The following FAM227B variants were observed in gnomAD, a reference collection of about 807,000 sequenced individuals.
FAM227B encodes family with sequence similarity 227 member B.
In FAM227B, 88 loss-of-function variants were observed where a neutral mutation model predicts 73.8. The ratio of observed to expected loss-of-function variants is 1.19; its 90% CI spans 1.00 to 1.42. FAM227B has a LOEUF of 1.42. FAM227B is among the 40% of genes most tolerant of loss of function. FAM227B has a pLI of 0.00. For synonymous variants in FAM227B, 210 were observed against 190.5 expected, an observed-to-expected ratio of 1.10 and a Z score of -0.84; for missense variants, 632 against 590.9, an observed-to-expected ratio of 1.07 and a Z score of -0.72.
At position 49,615,208 on chromosome 15, in the gene FAM227B, T is replaced by C. The variant is rs1190596186; in HGVS notation, c.-37A>G. 2.5e-6 allele frequency: 4 copies of C among 1,604,508 alleles called. No homozygotes were observed. The African/African-American group carries it at 4.0e-5, about 16-fold the overall frequency. On this transcript the variant is annotated 5_prime_UTR_variant, in exon 2 of 16. Coordinates refer to ENST00000299338, the MANE Select transcript of FAM227B (RefSeq NM_152647.3). ...TTTGCAGAAATGAAGAGAAATCAGC[T>C]GGGTCTTAGGCTTCAATGTGAGTTG... is the stretch of plus-strand genomic sequence containing the variant.
At chr15:49,591,264 CG>C (rs2076540742) in intron 3 of FAM227B, among the ~76,000 whole-genome samples, 1 of 150,102 alleles carries the variant, frequency 6.7e-6, no homozygotes, top group South Asian at 2.1e-4. Flanking sequence ...TTAGTAGAGA[CG>C]GGGTTTGTGT....
Position 49,598,099 on chromosome 15 carries a change from G to A in FAM227B, c.106-8092C>T, listed in dbSNP as rs553230792. Among the ~76,000 whole-genome samples the A allele has an allele frequency of 1.6e-3, 240 of 151,906 alleles. 2 individuals carry two copies. Among genetic ancestry groups the A allele is most frequent in the African/African-American group, 5.4e-3 (225 of 41,494 alleles). ...AACTATTCCAAAAGACAGAGAAGGA[G>A]GGAATCCTCCCTAAATCATTCTATG... On this transcript the variant is annotated intron_variant, in intron 3 of 15. Coordinates refer to ENST00000299338, the MANE Select transcript of FAM227B (RefSeq NM_152647.3).
intron 3 of FAM227B, among the ~76,000 whole-genome samples, chr15:49,600,833 G>T (rs1023408669): frequency 1.3e-5 from 2 of 151,490 alleles, no homozygotes; most frequent in African/African-American, 4.9e-5. Flanking sequence ...ACCAGGTCAG[G>T]AGTTCAAGAC....
At chr15:49,599,358 T>C (rs2077058726) in intron 3 of FAM227B, among the ~76,000 whole-genome samples, 1 of 152,040 alleles carries the variant, frequency 6.6e-6, no homozygotes, top group Non-Finnish European at 1.5e-5. Context: ...AGCTAGAGAT[T>C]TGACAGTTTT....
intron 11 of FAM227B, among the ~76,000 whole-genome samples, chr15:49,406,679 C>A (rs1205465017): frequency 6.6e-6 from 1 of 151,844 alleles, no homozygotes; most frequent in Non-Finnish European, 1.5e-5. Flanking sequence ...CACTTCTGAC[C>A]CAGCAGTGGC....
rs566643117 is a variant in FAM227B, at chr15:49,444,118, G to T, written c.1012+64093C>A. ...TACGGCAGTGTTGGAAGCAATGCTG[G>T]GGTAGGCAGTGGCATTGCTGGGATA... On this transcript the variant is annotated intron_variant, in intron 11 of 15. Coordinates refer to ENST00000299338, the MANE Select transcript of FAM227B (RefSeq NM_152647.3). Among the ~76,000 whole-genome samples, 4 of 151,710 alleles carry T rather than the reference G, an allele frequency of 2.6e-5. No homozygotes were observed. The South Asian group carries it at 8.3e-4, about 31-fold the overall frequency.
chr15:49,547,947 C>T (rs555432663), intron 9 of FAM227B, among the ~76,000 whole-genome samples: 2 of 152,278 alleles, frequency 1.3e-5, no homozygotes, highest in East Asian at 1.9e-4. Flanking sequence ...AAATAATGGA[C>T]ATAAATTATG....
chr15:49,461,173 A>G (rs1171477889), intron 11 of FAM227B, among the ~76,000 whole-genome samples: 1 of 152,174 alleles, frequency 6.6e-6, no homozygotes, highest in Admixed American at 6.6e-5. Context: ...TAGACTAGTG[A>G]CAGATCTTTT....
rs56097665 is a variant in FAM227B at position 49,479,599 on chromosome 15, G to GTT, written c.1012+28610_1012+28611dup. Among the ~76,000 whole-genome samples, 79 of 63,328 alleles carry GTT rather than the reference G, an allele frequency of 1.2e-3. 8 individuals are homozygous for GTT. The highest frequency in any genetic ancestry group is 2.4e-3 in the African/African-American group (38 of 15,948). 41.5% of individuals were successfully genotyped at this position (63,328 alleles called of 152,430 possible). A position where few individuals can be genotyped will look rare whatever the true frequency, so the allele number is the denominator to read the frequency against. ...GTAGGATTTCATAGTTAATACCTCT[G>GTT]TTTTTTTTTTTTTTTTTTTTTTTTT... On this transcript the variant is annotated intron_variant, in intron 11 of 15. Coordinates refer to ENST00000299338, the MANE Select transcript of FAM227B (RefSeq NM_152647.3).
At chr15:49,333,674 G>C (rs1837145444) in intron 14 of FAM227B, among the ~76,000 whole-genome samples, 1 of 152,224 alleles carries the variant, frequency 6.6e-6, no homozygotes, top group Non-Finnish European at 1.5e-5. Flanking sequence ...GTATTTAGAA[G>C]TGTGAAGTGT....
intron 11 of FAM227B, among the ~76,000 whole-genome samples, chr15:49,416,787 AC>A (rs2049246283): frequency 6.6e-6 from 1 of 151,956 alleles, no homozygotes; most frequent in Non-Finnish European, 1.5e-5. Context: ...ACACACACAC[AC>A]ACACACACAC....
At chr15:49,329,040 C>T in intron 15 of FAM227B, 1 of 1,004,744 alleles carries the variant, frequency 1.0e-6, no homozygotes, top group Non-Finnish European at 1.2e-6. Context: ...TACTTTTTCT[C>T]AAATACCTCT....
At chr15:49,439,985 G>A (rs139393643) in intron 11 of FAM227B, among the ~76,000 whole-genome samples, 23 of 151,842 alleles carry the variant, frequency 1.5e-4, no homozygotes, top group Admixed American at 3.9e-4. Flanking sequence ...GATTCAAAGC[G>A]TTTATCACAT....
chr15:49,555,805 T>C (rs1002716282), intron 9 of FAM227B, among the ~76,000 whole-genome samples: 4 of 152,226 alleles, frequency 2.6e-5, no homozygotes, highest in Admixed American at 2.0e-4. Flanking sequence ...CTTTGAGCCA[T>C]GAAGAGTCTT....
chr15:49,535,492 T>C (rs2060939451), intron 10 of FAM227B, among the ~76,000 whole-genome samples: 1 of 151,690 alleles, frequency 6.6e-6, no homozygotes, highest in African/African-American at 2.4e-5. Flanking sequence ...CCACCAAACA[T>C]ATAAAGAAGA....
chr15:49,365,409 C>G, intron 13 of FAM227B: 1 of 1,063,284 alleles, frequency 9.4e-7, no homozygotes, highest in Admixed American at 1.7e-5. Flanking sequence ...TAAACATCAA[C>G]TCTTCTACAG....
chr15:49,537,191 T>G (rs2070395390), intron 10 of FAM227B, among the ~76,000 whole-genome samples: 1 of 152,184 alleles, frequency 6.6e-6, no homozygotes, highest in Non-Finnish European at 1.5e-5. Context: ...AATTGTAATA[T>G]CTATAATTTA....
chr15:49,610,759 T>A (rs1445426008), intron 3 of FAM227B, among the ~76,000 whole-genome samples: 1 of 152,156 alleles, frequency 6.6e-6, no homozygotes, highest in African/African-American at 2.4e-5. Context: ...GCGAAGTCAG[T>A]AATTTTGCAT....
rs555929248 is a variant in FAM227B at position 49,575,430 on chromosome 15, T to G, written c.547-321A>C. ...GCATTTGAAATACGGTATATATTTT[T>G]GATAGCATATCTCAACTTGAACACT... On this transcript the variant is annotated intron_variant, in intron 7 of 15. Transcript: ENST00000299338. Among the ~76,000 whole-genome samples, 272 of 152,196 alleles carry G rather than the reference T, an allele frequency of 1.8e-3. 1 individual carries two copies. The highest frequency in any genetic ancestry group is 2.8e-3 in the Non-Finnish European group (188 of 67,950).
Sources: gnomAD v4.1 joint callset for allele counts (sites outside exome capture counted in the v4.1 genomes callset) on GRCh38, gnomAD v4.1.1 for gene constraint, MANE v1.5 for transcripts, NCBI Gene and HGNC (gene_info 2026-07-23, HGNC 2026-07-21) for gene names.